WDHD1: variants seen among roughly 807,000 people sequenced by gnomAD.
WDHD1 encodes WD repeat and HMG-box DNA-binding protein 1.
A neutral mutation model predicts 135.4 loss-of-function variants in WDHD1; 111 were observed. That is an observed-to-expected ratio of 0.82 (90% CI 0.70 to 0.96). The LOEUF (loss-of-function observed/expected upper bound fraction) is 0.96, where lower values mean the gene tolerates loss of function less well. Among genes scored for constraint, WDHD1 ranks in the 40% least tolerant of loss-of-function variants. The probability of loss-of-function intolerance (pLI) is 0.00; values close to 1 mark genes in which losing one functional copy is unlikely to be tolerated. For synonymous variants in WDHD1, 434 were observed against 439.0 expected (o/e 0.99, Z 0.14); for missense variants, 1,351 against 1,336.3 (o/e 1.01, Z -0.17).
At chr14:55,013,930 T>C (rs1280279936) in intron 2 of WDHD1, among the ~76,000 whole-genome samples, 2 of 152,072 alleles carry the variant, frequency 1.3e-5, no homozygotes, top group Admixed American at 6.6e-5. Flanking sequence ...AGTCACCTAG[T>C]TTCATATACA....
In WDHD1 at chr14:55,000,949, G is replaced by A; in HGVS notation, c.737C>T (p.Ala246Val). The A allele has an allele frequency of 1.3e-6, 2 of 1,593,958 alleles. No individual in the cohort carries two copies. The highest frequency in any genetic ancestry group is 1.7e-6 in the Non-Finnish European group (2 of 1,171,184). The change falls in exon 9 of 26, where the codon GCT becomes GTT. Residue 246 changes from alanine to valine, a missense_variant. This residue lies in a region of WDHD1 where 1,330 missense variants were observed against 1,296.1 expected (regional missense o/e 1.03). Transcript: ENST00000360586. ...GATTAGACCATTAATACTACCTGCA[G>A]CTAAATATTGCCCACAGGGAGACCA... ...VTWSPCGQYL[A>V]AGSINGLIIV... is the part of the protein sequence containing the mutation.
chr14:54,992,639 G>T (rs1243601765), intron 11 of WDHD1, among the ~76,000 whole-genome samples: 1 of 152,172 alleles, frequency 6.6e-6, no homozygotes, highest in Non-Finnish European at 1.5e-5. Context: ...TTACAGCCAG[G>T]TGCTGTGACT....
At chr14:54,945,768 T>C (rs2040912987) in intron 24 of WDHD1, among the ~76,000 whole-genome samples, 2 of 152,256 alleles carry the variant, frequency 1.3e-5, no homozygotes, top group African/African-American at 2.4e-5. Flanking sequence ...CTCGAACTCC[T>C]GACCTCATGA....
At chr14:54,971,369 G>A (rs1319643169) in intron 16 of WDHD1, among the ~76,000 whole-genome samples, 2 of 152,058 alleles carry the variant, frequency 1.3e-5, no homozygotes, top group African/African-American at 2.4e-5. Context: ...TTGAGCCCAG[G>A]AGTTTGAGAC....
At position 54,989,200 on chromosome 14, in the gene WDHD1, T is replaced by A. The variant is rs200141564; in HGVS notation, c.1354A>T (p.Ile452Phe). ...TCATTATAGCAGCGAATAATTCCAA[T>A]AGAGTTCCACACCTACAAACAGGTA... ...LTHRFMVWNS[I>F]GIIRCYNDEQ... is the part of the protein sequence containing the mutation. Residue 452 changes from isoleucine (I) to phenylalanine (F), a missense_variant, in exon 13 of 26, where the codon ATT becomes TTT. Ile to Phe is a conservative substitution (Grantham distance 21, BLOSUM62 0). This residue lies in a region of WDHD1 where 1,330 missense variants were observed against 1,296.1 expected (regional missense o/e 1.03). Coordinates refer to ENST00000360586, the MANE Select transcript of WDHD1 (RefSeq NM_007086.4). 13 of 1,612,348 alleles carry A rather than the reference T, an allele frequency of 8.1e-6. No individual in the cohort carries two copies. The Middle Eastern group carries it at 5.1e-4, about 63-fold the overall frequency.
At position 54,973,108 on chromosome 14, in the gene WDHD1, T is replaced by A. The variant is rs115834293; in HGVS notation, c.2064-5714A>T. ...TTATTAGAAAAGCACTGGAAAACCA[T>A]GACTGCACACTATAAATACCACAGG... On this transcript the variant is annotated intron_variant, in intron 16 of 25. Transcript: ENST00000360586. Among the ~76,000 whole-genome samples the A allele has an allele frequency of 3.7e-3, 556 of 152,312 alleles. 4 individuals are homozygous for A. Among genetic ancestry groups the A allele is most frequent in the African/African-American group, 0.013 (529 of 41,574 alleles).
At position 55,000,569 on chromosome 14, in the gene WDHD1, A is replaced by G; in HGVS notation, c.876T>C (p.Asp292=). Residue 292 remains aspartate, a synonymous_variant, in exon 10 of 26, where the codon GAT becomes GAC. Transcript: ENST00000360586. ...CTAGAAGCCCTAGATTTCCTTCCGCATCAGTATACGATATTCGACCACAAG... is the reference window on the plus strand; with the variant it reads ...CTAGAAGCCCTAGATTTCCTTCCGCGTCAGTATACGATATTCGACCACAAG... ...HPTCGRISYT[D]AEGNLGLLEN... is the part of the protein sequence containing the mutation. 1 of 1,610,278 alleles carries G rather than the reference A, an allele frequency of 6.2e-7. No individual in the cohort carries two copies. Among genetic ancestry groups the G allele is most frequent in the Non-Finnish European group, 8.5e-7 (1 of 1,178,144 alleles).
At chr14:54,944,303 G>A (rs375836368) in intron 25 of WDHD1, 29 bp downstream of exon 25, 2 of 1,598,338 alleles carry the variant, frequency 1.3e-6, no homozygotes, top group Admixed American at 1.8e-5. Context: ...AATTCACTAA[G>A]ATCTCAATCT....
chr14:54,968,905 G>T (rs993613190), intron 16 of WDHD1, among the ~76,000 whole-genome samples: 1 of 152,112 alleles, frequency 6.6e-6, no homozygotes, highest in African/African-American at 2.4e-5. Flanking sequence ...AGCCAGGTGT[G>T]GTGGTGTGTA....
chr14:54,945,691 C>T (rs938020497), intron 24 of WDHD1, among the ~76,000 whole-genome samples: 10 of 152,142 alleles, frequency 6.6e-5, no homozygotes, highest in Non-Finnish European at 1.3e-4. Flanking sequence ...CAGGTACGCG[C>T]CACCACACCC....
chr14:54,998,958 C>T (rs1048765738), intron 10 of WDHD1, among the ~76,000 whole-genome samples: 1 of 152,118 alleles, frequency 6.6e-6, no homozygotes, highest in Admixed American at 6.5e-5. Flanking sequence ...TCCCAATAAC[C>T]CCAAGTGGTT....
chr14:54,999,400 T>A (rs2041943014), intron 10 of WDHD1, among the ~76,000 whole-genome samples: 1 of 152,168 alleles, frequency 6.6e-6, no homozygotes, highest in Non-Finnish European at 1.5e-5. Context: ...ACTAGAACAC[T>A]CTATGTGCTT....
At chr14:55,007,472 A>T in intron 6 of WDHD1, 97 bp from the exon 7 acceptor site, 2 of 860,992 alleles carry the variant, frequency 2.3e-6, no homozygotes, top group East Asian at 5.5e-5. Context: ...AAATCAATAT[A>T]TATCTCAGAA....
Position 54,955,592 on chromosome 14 carries a change from T to C in WDHD1, c.3019A>G (p.Ile1007Val), listed in dbSNP as rs1205234404. ...TTTTCAGTGTTTTGAGGAGGACATA[T>C]AGCTGGGGTTTCAGATAATACATTT... ...LKNVLSETPAICPPQNTENQR... is the reference protein window; with the variant it reads ...LKNVLSETPAVCPPQNTENQR... The change falls in exon 24 of 26, where the codon ATA (isoleucine) becomes GTA (valine). Residue 1007 changes from isoleucine to valine, a missense_variant. Ile to Val is a conservative substitution (Grantham distance 29). Coordinates refer to ENST00000360586, the MANE Select transcript of WDHD1 (RefSeq NM_007086.4). 2 of 1,593,180 alleles carry C rather than the reference T, an allele frequency of 1.3e-6. No homozygotes were observed. Among genetic ancestry groups the C allele is most frequent in the African/African-American group, 1.4e-5 (1 of 73,368 alleles).
At position 54,962,818 on chromosome 14, in the gene WDHD1, C is replaced by T. The variant is rs781339435; in HGVS notation, c.2567G>A (p.Arg856Lys). 2.5e-6 allele frequency: 4 copies of T among 1,613,052 alleles called. No homozygotes were observed. The highest frequency in any genetic ancestry group is 1.1e-5 in the South Asian group (1 of 91,076). The change falls in exon 20 of 26, where the codon AGG becomes AAG. Residue 856 changes from arginine to lysine, a missense_variant. By Grantham distance (26) the Arg-to-Lys change is conservative. This residue lies in a region of WDHD1 where 1,330 missense variants were observed against 1,296.1 expected (regional missense o/e 1.03). Transcript: ENST00000360586. ...ATCTTCTTCAACTTGATTTCTGAACCTTGGTTGGCTCCACTCTGTAGCAGT... is the reference window on the plus strand; with the variant it reads ...ATCTTCTTCAACTTGATTTCTGAACTTTGGTTGGCTCCACTCTGTAGCAGT... ...SNTATEWSQP[R>K]FRNQVEEDAE... is the part of the protein sequence containing the mutation.
chr14:54,982,461 T>C (rs1010754299), intron 15 of WDHD1, among the ~76,000 whole-genome samples: 1 of 152,214 alleles, frequency 6.6e-6, no homozygotes, highest in Admixed American at 6.5e-5. Context: ...CTTCTTTTTG[T>C]TGGCCTTGTC....
chr14:54,986,542 G>A (rs1179885031), intron 14 of WDHD1, among the ~76,000 whole-genome samples: 3 of 151,992 alleles, frequency 2.0e-5, no homozygotes, highest in Non-Finnish European at 4.4e-5. Context: ...GAAAGACCCT[G>A]ACCTAGAGAG....
In WDHD1 at chr14:54,941,448, G is replaced by A. The variant is rs758004374; in HGVS notation, c.*42C>T. On this transcript the variant is annotated 3_prime_UTR_variant, in exon 26 of 26. Coordinates refer to ENST00000360586, the MANE Select transcript of WDHD1 (RefSeq NM_007086.4). ...GACTCGAGTCTATATTCAAAGATGA[G>A]TAAAAAAAAATCCATTACTTCCCTA... 40 of 1,530,986 alleles carry A rather than the reference G, an allele frequency of 2.6e-5. No individual in the cohort carries two copies. In the South Asian group the frequency reaches 4.8e-4, roughly 18 times the overall value. The allele number at this position is 1,530,986 out of a possible 1,614,324, so 94.8% of individuals were successfully genotyped here.
At position 55,008,562 on chromosome 14, in the gene WDHD1, A is replaced by G. The variant is rs766341681; in HGVS notation, c.453+46T>C. On this transcript the variant is annotated intron_variant, in intron 5 of 25. Coordinates refer to ENST00000360586, the MANE Select transcript of WDHD1 (RefSeq NM_007086.4). Reference sequence around the variant, plus strand: ...GAGAGTTAGTAGGAAATATATTTTTAAACATATTCAGGAAAAACACAAAAA... The same window carrying G: ...GAGAGTTAGTAGGAAATATATTTTTGAACATATTCAGGAAAAACACAAAAA... The G allele has an allele frequency of 1.5e-5, 23 of 1,530,200 alleles. No individual in the cohort carries two copies. In the South Asian group the frequency reaches 2.7e-4, roughly 18 times the overall value. The allele number at this position is 1,530,200 out of a possible 1,614,324, so 94.8% of individuals were successfully genotyped here.
Sources: allele counts gnomAD v4.1 joint callset (sites outside exome capture counted in the v4.1 genomes callset), GRCh38; gene constraint gnomAD v4.1.1; regional missense constraint gnomAD v4.1.1; transcripts MANE v1.5; gene names NCBI Gene and HGNC (gene_info 2026-07-23, HGNC 2026-07-21).